The following CSMD1 variants were observed in gnomAD, a reference collection of about 807,000 sequenced individuals.
The protein encoded by CSMD1 is CUB and sushi domain-containing protein 1.
Under a neutral mutation model 417.5 loss-of-function variants are expected in CSMD1, and 213 were observed. The observed-to-expected ratio is 0.51, with a 90% CI of 0.46 to 0.57. CSMD1 has a LOEUF of 0.57. CSMD1 is among the 20% of genes least tolerant of loss of function. CSMD1 has a pLI of 0.00. For synonymous variants in CSMD1, 2,862 were observed against 1,736.8 expected (o/e 1.65, Z -16.11); for missense variants, 6,923 against 4,529.7 (o/e 1.53, Z -15.17).
chr8:3,251,114 T>C (rs963803221), intron 26 of CSMD1, among the ~76,000 whole-genome samples: 66 of 152,244 alleles, frequency 4.3e-4, no homozygotes, highest in Middle Eastern at 3.4e-3. Flanking sequence ...TTGCTTTTGG[T>C]GTTTTAGACA....
chr8:4,523,988 T>G (rs1223063878), intron 2 of CSMD1, among the ~76,000 whole-genome samples: 1 of 152,098 alleles, frequency 6.6e-6, no homozygotes, highest in Non-Finnish European at 1.5e-5. Flanking sequence ...TCTCCTCAAA[T>G]GGGTCCCTAT....
intron 1 of CSMD1, among the ~76,000 whole-genome samples, chr8:4,657,918 A>T (rs1804346328): frequency 1.3e-5 from 2 of 152,106 alleles, no homozygotes; most frequent in Non-Finnish European, 2.9e-5. Flanking sequence ...ACAAATACTG[A>T]AGATAAAAAG....
At chr8:4,337,723 C>T (rs148287307) in intron 3 of CSMD1, among the ~76,000 whole-genome samples, 156 of 152,208 alleles carry the variant, frequency 1.0e-3, no homozygotes, top group African/African-American at 3.4e-3. Context: ...CAAGTATTTG[C>T]CATTGACATA....
chr8:3,764,002 G>T (rs907876988), intron 5 of CSMD1, among the ~76,000 whole-genome samples: 1 of 152,140 alleles, frequency 6.6e-6, no homozygotes, highest in Admixed American at 6.5e-5. Flanking sequence ...TGTTTGTCAT[G>T]AAGCTCCTCA....
At chr8:4,054,752 T>C (rs992104120) in intron 3 of CSMD1, among the ~76,000 whole-genome samples, 1 of 152,168 alleles carries the variant, frequency 6.6e-6, no homozygotes, top group Admixed American at 6.6e-5. Context: ...TGTGTCATTC[T>C]CTGGGGGTTG....
intron 3 of CSMD1, among the ~76,000 whole-genome samples, chr8:4,098,827 A>T (rs17068970): frequency 2.6e-5 from 4 of 152,048 alleles, no homozygotes; most frequent in Admixed American, 2.0e-4. Flanking sequence ...TCTTCTCATC[A>T]CTAAGGCTAT....
intron 10 of CSMD1, among the ~76,000 whole-genome samples, chr8:3,510,680 T>G: frequency 4.1e-5 from 1 of 24,218 alleles, no homozygotes; most frequent in South Asian, 9.2e-4. Context: ...GAGGCAGGAT[T>G]ACTTTTTAAT....
chr8:4,206,406 G>T (rs1393097318), intron 3 of CSMD1, among the ~76,000 whole-genome samples: 1 of 151,784 alleles, frequency 6.6e-6, no homozygotes, highest in Non-Finnish European at 1.5e-5. Flanking sequence ...CAACTGTTCA[G>T]TTCCCACCTA....
intron 3 of CSMD1, among the ~76,000 whole-genome samples, chr8:4,412,441 G>C (rs912455079): frequency 2.6e-5 from 4 of 152,134 alleles, no homozygotes; most frequent in African/African-American, 4.8e-5. Flanking sequence ...GAAGCTTCCC[G>C]AGGCCTCAAC....
intron 26 of CSMD1, among the ~76,000 whole-genome samples, chr8:3,246,692 G>A (rs981450987): frequency 5.3e-5 from 8 of 152,152 alleles, no homozygotes; most frequent in East Asian, 1.9e-4. Context: ...TGCTGGCCTC[G>A]AACTCCTGAC....
At chr8:4,776,295 T>G (rs1357446007) in intron 1 of CSMD1, among the ~76,000 whole-genome samples, 1 of 152,192 alleles carries the variant, frequency 6.6e-6, no homozygotes, top group Admixed American at 6.5e-5. Context: ...AGCATGTATA[T>G]AATATTACTT....
chr8:4,844,823 A>C (rs1271049782), intron 1 of CSMD1, among the ~76,000 whole-genome samples: 1 of 152,174 alleles, frequency 6.6e-6, no homozygotes, highest in Non-Finnish European at 1.5e-5. Context: ...GGACAATCCA[A>C]ACCAGCCTTA....
intron 5 of CSMD1, among the ~76,000 whole-genome samples, chr8:3,914,247 G>A (rs938851646): frequency 6.6e-6 from 1 of 152,134 alleles, no homozygotes; most frequent in African/African-American, 2.4e-5. Flanking sequence ...GAGTAGATAA[G>A]AGCTAGTTAG....
chr8:4,618,555 T>C (rs548881326), intron 2 of CSMD1, among the ~76,000 whole-genome samples: 1 of 151,938 alleles, frequency 6.6e-6, no homozygotes, highest in South Asian at 2.1e-4. Flanking sequence ...ATTCTTCTTA[T>C]CGCCTACATA....
At chr8:3,784,032 G>C (rs543195725) in intron 5 of CSMD1, among the ~76,000 whole-genome samples, 1 of 152,288 alleles carries the variant, frequency 6.6e-6, no homozygotes, top group South Asian at 2.1e-4. Flanking sequence ...CGTACAACAT[G>C]CCTGACAGCA....
At chr8:4,898,136 T>G (rs1316701070) in intron 1 of CSMD1, among the ~76,000 whole-genome samples, 1 of 152,114 alleles carries the variant, frequency 6.6e-6, no homozygotes, top group Non-Finnish European at 1.5e-5. Context: ...CCCATATATA[T>G]GTGTATATCC....
At chr8:4,106,760 T>C (rs1301320253) in intron 3 of CSMD1, among the ~76,000 whole-genome samples, 2 of 152,082 alleles carry the variant, frequency 1.3e-5, no homozygotes, top group African/African-American at 2.4e-5. Context: ...CCCGCACAGC[T>C]AGTGATCAGC....
At chr8:3,701,014 A>C (rs951086096) in intron 7 of CSMD1, among the ~76,000 whole-genome samples, 17 of 151,178 alleles carry the variant, frequency 1.1e-4, no homozygotes, top group Non-Finnish European at 2.2e-4. Flanking sequence ...GTAACGAGAA[A>C]GGCTTGGGAT....
rs1409000989 is a variant in CSMD1, at chr8:3,067,634, A to G, written c.7475-14987T>C. On this transcript the variant is annotated intron_variant, in intron 49 of 69. Transcript: ENST00000635120. Reference sequence around the variant, plus strand: ...ATATAATATATAAATATATAATAACATTGATCAACATTCTTCAATTAACAT... The same window carrying G: ...ATATAATATATAAATATATAATAACGTTGATCAACATTCTTCAATTAACAT... 4.0e-5 allele frequency among the ~76,000 whole-genome samples: 6 copies of G among 149,814 alleles called. No homozygotes were observed. In the East Asian group the frequency reaches 5.8e-4, roughly 15 times the overall value.
Sources: gnomAD v4.1 joint callset for allele counts (sites outside exome capture counted in the v4.1 genomes callset) on GRCh38, gnomAD v4.1.1 for gene constraint, MANE v1.5 for transcripts, NCBI Gene and HGNC (gene_info 2026-07-23, HGNC 2026-07-21) for gene names.